The following SNX29 variants were observed in gnomAD, a reference collection of about 807,000 sequenced individuals.
SNX29 encodes sorting nexin-29.
Under a neutral mutation model 102.1 loss-of-function variants are expected in SNX29, and 78 were observed. The ratio of observed to expected loss-of-function variants is 0.76; its 90% CI spans 0.64 to 0.92. The LOEUF (loss-of-function observed/expected upper bound fraction) is 0.92, where lower values mean the gene tolerates loss of function less well. SNX29 is among the 40% of genes least tolerant of loss of function. The pLI, the probability that SNX29 is intolerant of heterozygous loss-of-function variation, is 0.00. For synonymous variants in SNX29, 580 were observed against 414.5 expected (o/e 1.40, Z -4.85); for missense variants, 1,280 against 1,061.7 (o/e 1.21, Z -2.86).
chr16:12,452,258 G>C (rs943487035), intron 18 of SNX29, among the ~76,000 whole-genome samples: 21 of 144,356 alleles, frequency 1.5e-4, no homozygotes, highest in African/African-American at 5.0e-4. Context: ...ATTTGGCAAT[G>C]CCTGAAAGCA....
intron 18 of SNX29, among the ~76,000 whole-genome samples, chr16:12,416,788 C>G (rs2151568806): frequency 6.6e-6 from 1 of 152,240 alleles, no homozygotes; most frequent in South Asian, 2.1e-4. Flanking sequence ...CTCACATGGA[C>G]TAACAGAACA....
At chr16:12,533,346 G>T (rs1320966343) in intron 20 of SNX29, among the ~76,000 whole-genome samples, 3 of 152,184 alleles carry the variant, frequency 2.0e-5, no homozygotes, top group Non-Finnish European at 2.9e-5. Flanking sequence ...TGGGTCCTGG[G>T]ATAGCTTAGA....
intron 20 of SNX29, among the ~76,000 whole-genome samples, chr16:12,544,302 G>T (rs1004276461): frequency 2.6e-5 from 4 of 152,188 alleles, no homozygotes; most frequent in African/African-American, 7.2e-5. Flanking sequence ...CCAGGCCACA[G>T]GGGAAGGTGG....
intron 13 of SNX29, among the ~76,000 whole-genome samples, chr16:12,139,524 T>A (rs972976806): frequency 2.0e-5 from 3 of 152,198 alleles, no homozygotes; most frequent in Non-Finnish European, 4.4e-5. Context: ...AAATGTCAAT[T>A]CTTCCAGCAC....
rs569570043 is a variant in SNX29 at position 12,486,148 on chromosome 16, C to G, written c.2178+8289C>G. ...TAGAGGCTGCTTGCATTTCTTGGCT[C>G]GTGGCCCCTTCCTCTGTCTTCCGTG... On this transcript the variant is annotated intron_variant, in intron 19 of 20. Coordinates refer to ENST00000566228, the MANE Select transcript of SNX29 (RefSeq NM_032167.5). Among the ~76,000 whole-genome samples the G allele has an allele frequency of 3.3e-5, 5 of 152,332 alleles. No individual in the cohort carries two copies. The East Asian group carries it at 5.8e-4, about 18-fold the overall frequency.
At chr16:12,271,897 T>C (rs763662914) in intron 14 of SNX29, among the ~76,000 whole-genome samples, 1 of 152,146 alleles carries the variant, frequency 6.6e-6, no homozygotes, top group Non-Finnish European at 1.5e-5. Context: ...TGCTGGGATT[T>C]CAGGTGTGAA....
At chr16:12,384,394 C>G (rs2083278580) in intron 16 of SNX29, among the ~76,000 whole-genome samples, 1 of 152,144 alleles carries the variant, frequency 6.6e-6, no homozygotes, top group African/African-American at 2.4e-5. Context: ...TACTGCCTGT[C>G]TTTTGGATTA....
chr16:12,433,652 G>GAAAAAAAAA (rs1287353973), intron 18 of SNX29, among the ~76,000 whole-genome samples: 32 of 37,030 alleles, frequency 8.6e-4, no homozygotes, highest in East Asian at 4.3e-3. Context: ...AAAAAAAAAG[G>GAAAAAAAAA]AAACTTAGCT....
At chr16:11,989,342 G>T (rs2055753408) in intron 1 of SNX29, among the ~76,000 whole-genome samples, 1 of 152,100 alleles carries the variant, frequency 6.6e-6, no homozygotes, top group African/African-American at 2.4e-5. Context: ...GACACCATAA[G>T]CCCACATGGA....
intron 13 of SNX29, among the ~76,000 whole-genome samples, chr16:12,195,044 G>A (rs1056873518): frequency 6.6e-6 from 1 of 152,168 alleles, no homozygotes; most frequent in African/African-American, 2.4e-5. Context: ...CACTGTTAAC[G>A]TTGTGGTCTA....
chr16:12,539,784 T>C (rs2077242111), intron 20 of SNX29, among the ~76,000 whole-genome samples: 1 of 152,230 alleles, frequency 6.6e-6, no homozygotes. Context: ...TAATGAGTAA[T>C]GATGTTGAGC....
intron 1 of SNX29, among the ~76,000 whole-genome samples, chr16:11,984,708 C>T (rs1397786136): frequency 6.6e-6 from 1 of 152,044 alleles, no homozygotes; most frequent in Non-Finnish European, 1.5e-5. Context: ...GGCTGGAATG[C>T]AGTGGTGATA....
chr16:12,526,954 C>A, intron 20 of SNX29: 1 of 388,950 alleles, frequency 2.6e-6, no homozygotes, highest in Non-Finnish European at 4.8e-6. Flanking sequence ...GCCTAATTAG[C>A]ACGCAGAACA....
At chr16:12,445,384 C>G (rs549683067) in intron 18 of SNX29, among the ~76,000 whole-genome samples, 20 of 152,240 alleles carry the variant, frequency 1.3e-4, no homozygotes, top group Non-Finnish European at 2.4e-4. Context: ...GAGCCGTCCT[C>G]CATTCTACGC....
intron 4 of SNX29, chr16:12,029,701 C>G (rs963230394): frequency 2.3e-6 from 1 of 438,630 alleles, no homozygotes; most frequent in Non-Finnish European, 4.5e-6. Context: ...AAGTGATTCT[C>G]CAGCCTCAGC....
At chr16:12,332,764 G>A (rs1033595659) in intron 15 of SNX29, among the ~76,000 whole-genome samples, 100 of 152,212 alleles carry the variant, frequency 6.6e-4, no homozygotes, top group African/African-American at 2.3e-3. Context: ...TCCTGCCCTT[G>A]GTTCTTCTGG....
intron 11 of SNX29, among the ~76,000 whole-genome samples, chr16:12,121,052 C>T (rs1201614724): frequency 4.6e-5 from 7 of 152,200 alleles, no homozygotes; most frequent in Admixed American, 1.3e-4. Context: ...GGGCGACTGT[C>T]AGTCATTCAT....
intron 1 of SNX29, chr16:11,977,729 C>T (rs2055334348): frequency 1.3e-5 from 2 of 152,336 alleles, no homozygotes; most frequent in Non-Finnish European, 2.9e-5. Context: ...GAAGTTTAGT[C>T]CCTTGACTCT....
intron 20 of SNX29, among the ~76,000 whole-genome samples, chr16:12,559,109 G>A (rs1424501034): frequency 1.3e-5 from 2 of 152,150 alleles, no homozygotes; most frequent in Non-Finnish European, 1.5e-5. Flanking sequence ...ATGAGTAGTA[G>A]TCAAATCAGG....
Sources: gnomAD v4.1 joint callset for allele counts (sites outside exome capture counted in the v4.1 genomes callset) on GRCh38, gnomAD v4.1.1 for gene constraint, MANE v1.5 for transcripts, NCBI Gene and HGNC (gene_info 2026-07-23, HGNC 2026-07-21) for gene names.